GRIA3: variants seen among roughly 807,000 people sequenced by gnomAD.
The protein encoded by GRIA3 is glutamate receptor 3.
A neutral mutation model predicts 63.0 loss-of-function variants in GRIA3; 3 were observed. The observed-to-expected ratio is 0.05, with a 90% CI of 0.02 to 0.12. The LOEUF (loss-of-function observed/expected upper bound fraction) is 0.12, where lower values mean the gene tolerates loss of function less well. Ranked by LOEUF, GRIA3 falls within the 10% of genes least tolerant of loss-of-function variation. The pLI is 1.00. For missense variants in GRIA3, 347 were observed against 700.9 expected, an observed-to-expected ratio of 0.50 and a Z score of 5.70; for synonymous variants, 274 against 257.9, an observed-to-expected ratio of 1.06 and a Z score of -0.60.
intron 3 of GRIA3, among the ~76,000 whole-genome samples, chrX:123,267,663 C>A (rs1459152171): frequency 2.7e-5 from 3 of 111,901 alleles, no homozygotes; most frequent in Admixed American, 1.9e-4. Flanking sequence ...GATGTGAGAA[C>A]TGTTATAGGT....
intron 3 of GRIA3, among the ~76,000 whole-genome samples, chrX:123,297,499 T>C (rs2044692527): frequency 8.9e-6 from 1 of 112,007 alleles, no homozygotes; most frequent in African/African-American, 3.2e-5. Flanking sequence ...TCAGTACTTT[T>C]GGAAGTGGGG....
intron 11 of GRIA3, 31 bp from the exon 12 acceptor site, chrX:123,427,910 G>A (rs1286270481): frequency 1.1e-5 from 12 of 1,056,826 alleles, no homozygotes; most frequent in East Asian, 3.0e-5. Context: ...GGCCCCTCTG[G>A]GTCTGGATTT....
chrX:123,275,227 G>A (rs188508501), intron 3 of GRIA3, among the ~76,000 whole-genome samples: 1 of 111,917 alleles, frequency 8.9e-6, no homozygotes, highest in East Asian at 2.8e-4. Context: ...GTCAGGCACT[G>A]TTCTATATAC....
chrX:123,231,877 G>A (rs2044278072), intron 2 of GRIA3, among the ~76,000 whole-genome samples: 2 of 111,625 alleles, frequency 1.8e-5, no homozygotes, highest in African/African-American at 6.5e-5. Context: ...TGGGTGTGTA[G>A]TAGGAAGGAG....
chrX:123,235,115 T>A (rs761889654), intron 2 of GRIA3, among the ~76,000 whole-genome samples: 15 of 111,688 alleles, frequency 1.3e-4, no homozygotes, highest in African/African-American at 4.6e-4. Context: ...CAATTCCCAA[T>A]AACACCTCCT....
At position 123,201,543 on chromosome X, in the gene GRIA3, C is replaced by T. The variant is rs180699245; in HGVS notation, c.268+15553C>T. ...GGACCTTAGAGATCATCTAGTCCGT[C>T]ATCTTAATGTTATATTTAAGAAAAA... On this transcript the variant is annotated intron_variant, in intron 2 of 15. Coordinates refer to ENST00000620443, the MANE Select transcript of GRIA3 (RefSeq NM_007325.5). Among the ~76,000 whole-genome samples, 12 of 110,023 alleles carry T rather than the reference C, an allele frequency of 1.1e-4. No homozygotes were observed. In the Admixed American group the frequency reaches 1.2e-3, roughly 11 times the overall value.
intron 5 of GRIA3, among the ~76,000 whole-genome samples, chrX:123,392,424 G>T (rs1204494589): frequency 1.9e-4 from 21 of 111,458 alleles, no homozygotes; most frequent in Non-Finnish European, 1.1e-4. Flanking sequence ...TCTCAAAATG[G>T]CACCCTGCTG....
chrX:123,402,191 G>A (rs1380174647), intron 7 of GRIA3, among the ~76,000 whole-genome samples: 2 of 110,951 alleles, frequency 1.8e-5, no homozygotes, highest in African/African-American at 6.6e-5. Context: ...TAGCTCTCTT[G>A]TCTGTTACCT....
intron 14 of GRIA3, among the ~76,000 whole-genome samples, chrX:123,480,528 AAAAG>A (rs1200529248): frequency 8.9e-6 from 1 of 112,518 alleles, no homozygotes; most frequent in Non-Finnish European, 1.9e-5. Context: ...ACAACCAAAA[AAAAG>A]AAAGATTTAT....
chrX:123,418,569 C>A (rs978523039), intron 11 of GRIA3, among the ~76,000 whole-genome samples: 2 of 112,109 alleles, frequency 1.8e-5, no homozygotes, highest in African/African-American at 6.5e-5. Flanking sequence ...AGAAGACAAT[C>A]CAATTTTTTA....
At chrX:123,477,393 T>C (rs758651961) in intron 13 of GRIA3, among the ~76,000 whole-genome samples, 1 of 111,902 alleles carries the variant, frequency 8.9e-6, no homozygotes, top group Admixed American at 9.4e-5. Context: ...TCTAAAACAA[T>C]AAAAAGAATA....
chrX:123,482,712 GA>G (rs2045917908), intron 14 of GRIA3, 86 bp from the exon 15 acceptor site: 1 of 1,006,804 alleles, frequency 9.9e-7, no homozygotes, highest in Admixed American at 2.2e-5. Context: ...TTACAATTTA[GA>G]ACTCCCCTGT....
In GRIA3 at chrX:123,232,193, C is replaced by A. The variant is rs767288870; in HGVS notation, c.269-21110C>A. 4.5e-5 allele frequency among the ~76,000 whole-genome samples: 5 copies of A among 111,959 alleles called. No homozygotes were observed. In the South Asian group the frequency reaches 1.5e-3, roughly 33 times the overall value. On this transcript the variant is annotated intron_variant, in intron 2 of 15. Coordinates refer to ENST00000620443, the MANE Select transcript of GRIA3 (RefSeq NM_007325.5). ...AGTAGGTCAGCAGGCAACAACCAGA[C>A]CTTAACCCCTTCCAGCTCTCACTAG...
At chrX:123,230,756 T>C (rs1603038087) in intron 2 of GRIA3, among the ~76,000 whole-genome samples, 1 of 112,135 alleles carries the variant, frequency 8.9e-6, no homozygotes, top group Admixed American at 9.5e-5. Flanking sequence ...GATACAAAGA[T>C]GGCTATGACA....
chrX:123,434,388 G>A (rs778104294), intron 12 of GRIA3, among the ~76,000 whole-genome samples: 2 of 111,706 alleles, frequency 1.8e-5, no homozygotes, highest in East Asian at 5.6e-4. Flanking sequence ...CATATAATGT[G>A]ACCAAATGTT....
At chrX:123,322,949 GT>G (rs2044878047) in intron 3 of GRIA3, among the ~76,000 whole-genome samples, 1 of 112,336 alleles carries the variant, frequency 8.9e-6, no homozygotes, top group African/African-American at 3.2e-5. Flanking sequence ...AAAAAGATTT[GT>G]AAGTCAGTGT....
At chrX:123,261,636 C>A (rs2044460987) in intron 3 of GRIA3, among the ~76,000 whole-genome samples, 1 of 111,148 alleles carries the variant, frequency 9.0e-6, no homozygotes, top group Non-Finnish European at 1.9e-5. Flanking sequence ...AGTAGCCCCC[C>A]ACCCCTATAG....
At chrX:123,318,065 C>A (rs1049701757) in intron 3 of GRIA3, among the ~76,000 whole-genome samples, 1 of 112,884 alleles carries the variant, frequency 8.9e-6, no homozygotes, top group Non-Finnish European at 1.9e-5. Flanking sequence ...GGCTTCCACC[C>A]TCTGAAGCTG....
intron 2 of GRIA3, among the ~76,000 whole-genome samples, chrX:123,204,232 G>T (rs1221342929): frequency 8.9e-6 from 1 of 111,768 alleles, no homozygotes; most frequent in African/African-American, 3.3e-5. Flanking sequence ...CAGTAACCCC[G>T]CAGATCACAC....
Sources: gnomAD v4.1 joint callset for allele counts (sites outside exome capture counted in the v4.1 genomes callset) on GRCh38, gnomAD v4.1.1 for gene constraint, MANE v1.5 for transcripts, NCBI Gene and HGNC (gene_info 2026-07-23, HGNC 2026-07-21) for gene names.